Variants in C5 observed in about 807,000 individuals in gnomAD.
C5 encodes complement C5.
C5 carries 140 observed loss-of-function variants against 218.8 expected under a neutral mutation model. That is an observed-to-expected ratio of 0.64 (90% CI 0.56 to 0.74). C5 has a LOEUF of 0.74. C5 is among the 30% of genes least tolerant of loss of function. The pLI is 0.00. For missense variants in C5, 1,700 were observed against 1,969.6 expected (o/e 0.86, Z 2.59); for synonymous variants, 614 against 682.3 (o/e 0.90, Z 1.56).
chr9:121,019,807 T>C (rs914050938), intron 12 of C5, among the ~76,000 whole-genome samples, 169 bp downstream of exon 12: 1 of 152,196 alleles, frequency 6.6e-6, no homozygotes, highest in Non-Finnish European at 1.5e-5. Flanking sequence ...GTCATGAAAA[T>C]CATGCCCTAT....
chr9:121,017,599 C>T (rs769640755), intron 13 of C5, 44 bp downstream of exon 13: 2 of 1,602,050 alleles, frequency 1.2e-6, no homozygotes, highest in Non-Finnish European at 1.7e-6. Flanking sequence ...CAGCCTCCTT[C>T]ATTGAAAAGA....
At chr9:121,069,966 G>T in the C5 span, among the ~76,000 whole-genome samples, 2 of 152,100 alleles carry the variant, frequency 1.3e-5, no homozygotes, top group East Asian at 3.9e-4. Context: ...AAAGAAATCA[G>T]TATATCAAAG....
At chr9:120,965,703 C>T (rs1297373371) in intron 33 of C5, among the ~76,000 whole-genome samples, 1 of 152,162 alleles carries the variant, frequency 6.6e-6, no homozygotes, top group Non-Finnish European at 1.5e-5. Flanking sequence ...ACTTGGAACT[C>T]TAATGTGACA....
At chr9:120,996,019 A>G (rs1332029556) in intron 22 of C5, among the ~76,000 whole-genome samples, 1 of 151,986 alleles carries the variant, frequency 6.6e-6, no homozygotes, top group Non-Finnish European at 1.5e-5. Flanking sequence ...GGGTTTCACT[A>G]TGTTGGCCAG....
chr9:121,028,024 G>C (rs1337924122), intron 7 of C5, among the ~76,000 whole-genome samples: 6 of 152,144 alleles, frequency 3.9e-5, no homozygotes, highest in African/African-American at 1.4e-4. Context: ...CCATCAAAAA[G>C]TGGGCAAAGG....
At chr9:120,990,899 G>A (rs2047072177) in intron 23 of C5, among the ~76,000 whole-genome samples, 1 of 152,180 alleles carries the variant, frequency 6.6e-6, no homozygotes, top group African/African-American at 2.4e-5. Flanking sequence ...AGTTCTTTAA[G>A]TCTAGAAGCA....
chr9:121,070,472 T>C, the C5 span, among the ~76,000 whole-genome samples: 1 of 148,476 alleles, frequency 6.7e-6, no homozygotes. Flanking sequence ...ATTCTGTATG[T>C]GTATATATAT....
intron 17 of C5, among the ~76,000 whole-genome samples, chr9:121,010,916 G>A (rs2047256385): frequency 6.6e-6 from 1 of 152,074 alleles, no homozygotes. Context: ...GGGAAAACTG[G>A]TTATCCCATT....
intron 20 of C5, among the ~76,000 whole-genome samples, chr9:121,002,244 GTATA>G (rs1200226286): frequency 2.2e-5 from 1 of 45,130 alleles, no homozygotes; most frequent in Non-Finnish European, 5.0e-5. Context: ...ATATGTATAT[GTATA>G]TATATGTATA....
the C5 span, among the ~76,000 whole-genome samples, chr9:121,070,170 C>A: frequency 1.3e-5 from 2 of 151,732 alleles, no homozygotes; most frequent in African/African-American, 4.8e-5. Context: ...CTAGCCTGAC[C>A]AACATGGAGA....
rs572345213 is a variant in C5 at position 121,002,316 on chromosome 9, G to GTGTGTGTGTGTGTATATATATATATA, written c.2562+3602_2562+3603insTATATATATATATACACACACACACA. 1.4e-3 allele frequency among the ~76,000 whole-genome samples: 120 copies of GTGTGTGTGTGTGTATATATATATATA among 87,364 alleles called. 9 individuals are homozygous for GTGTGTGTGTGTGTATATATATATATA. The highest frequency in any genetic ancestry group is 3.5e-3 in the Admixed American group (26 of 7,462). The allele number at this position is 87,364 out of a possible 152,430, so 57.3% of individuals were successfully genotyped here. ...TATATATGTATATATATATGTGTGTGTATATATATATATATATATATATAT... is the reference window on the plus strand; with the variant it reads ...TATATATGTATATATATATGTGTGTGTGTGTGTGTGTGTATATATATATATATATATATATATATATATATATATAT... On this transcript the variant is annotated intron_variant, in intron 20 of 40. Coordinates refer to ENST00000223642, the MANE Select transcript of C5 (RefSeq NM_001735.3).
chr9:120,995,929 C>T (rs1200566859), intron 22 of C5, among the ~76,000 whole-genome samples: 1 of 151,800 alleles, frequency 6.6e-6, no homozygotes, highest in Non-Finnish European at 1.5e-5. Context: ...AGCGATTCTC[C>T]TGCCTCAGCT....
intron 15 of C5, 46 bp from the exon 16 acceptor site, chr9:121,015,307 T>TA: frequency 7.6e-7 from 1 of 1,323,910 alleles, no homozygotes; most frequent in Non-Finnish European, 1.1e-6. Flanking sequence ...AAAAAGGAGA[T>TA]AAAATCTCAA....
chr9:120,963,070 A>AG, intron 34 of C5, 103 bp from the exon 35 acceptor site: 1 of 901,438 alleles, frequency 1.1e-6, no homozygotes, highest in Non-Finnish European at 1.9e-6. Flanking sequence ...GTGATCTGTA[A>AG]TTCAAAGAAA....
At chr9:121,050,149 C>A in intron 1 of C5, 33 bp downstream of exon 1, 1 of 1,482,902 alleles carries the variant, frequency 6.7e-7, no homozygotes, top group East Asian at 2.3e-5. Context: ...AACTAAGATG[C>A]ATTGAAAAAT....
chr9:121,002,207 T>TATATATAC (rs1169488634), intron 20 of C5, among the ~76,000 whole-genome samples: 4 of 70,592 alleles, frequency 5.7e-5, no homozygotes, highest in African/African-American at 2.1e-4. Context: ...CGTATATATG[T>TATATATAC]ATATATACGT....
At chr9:121,019,381 T>A (rs897914993) in intron 12 of C5, among the ~76,000 whole-genome samples, 10 of 152,232 alleles carry the variant, frequency 6.6e-5, no homozygotes, top group Admixed American at 4.6e-4. Context: ...TTGGTGATTG[T>A]CAGGAAGCTC....
At chr9:121,056,600 G>C in the C5 span, among the ~76,000 whole-genome samples, 1 of 152,058 alleles carries the variant, frequency 6.6e-6, no homozygotes, top group Admixed American at 6.5e-5. Context: ...ATGCACTGGA[G>C]TCTCTCAATA....
At chr9:120,957,474 C>T in intron 38 of C5, 106 bp from the exon 39 acceptor site, 2 of 811,336 alleles carry the variant, frequency 2.5e-6, no homozygotes, top group Non-Finnish European at 4.3e-6. Flanking sequence ...GCATGGCAAA[C>T]TATTATAGTT....
Sources: gnomAD v4.1 joint callset for allele counts (sites outside exome capture counted in the v4.1 genomes callset) on GRCh38, gnomAD v4.1.1 for gene constraint, MANE v1.5 for transcripts, NCBI Gene and HGNC (gene_info 2026-07-23, HGNC 2026-07-21) for gene names.